Variants in ROBO2 observed in about 807,000 individuals in gnomAD.
ROBO2 encodes the protein roundabout homolog 2.
In ROBO2, 53 loss-of-function variants were observed where a neutral mutation model predicts 160.8. That is an observed-to-expected ratio of 0.33 (90% CI 0.26 to 0.41). The LOEUF is 0.41. Ranked by LOEUF, ROBO2 falls within the 10% of genes least tolerant of loss-of-function variation. The pLI is 1.00. For missense variants in ROBO2, 1,577 were observed against 1,722.4 expected, an observed-to-expected ratio of 0.92 and a Z score of 1.49; for synonymous variants, 664 against 611.7, an observed-to-expected ratio of 1.09 and a Z score of -1.26.
chr3:77,313,011 G>A (rs1217884026), intron 2 of ROBO2, among the ~76,000 whole-genome samples: 1 of 152,168 alleles, frequency 6.6e-6, no homozygotes, highest in Non-Finnish European at 1.5e-5. Flanking sequence ...TTTCTAATTG[G>A]AACCCAGCAG....
At chr3:77,266,009 C>T (rs976674097) in intron 2 of ROBO2, among the ~76,000 whole-genome samples, 2 of 152,106 alleles carry the variant, frequency 1.3e-5, no homozygotes, top group Non-Finnish European at 1.5e-5. Context: ...AGCTATTCTA[C>T]GTATTTGGTA....
rs1031618574 is a variant in ROBO2, at chr3:76,730,230, C to G, written c.110-367784C>G. 2.3e-3 allele frequency among the ~76,000 whole-genome samples: 117 copies of G among 51,296 alleles called. 5 individuals carry two copies. Among genetic ancestry groups the G allele is most frequent in the Admixed American group, 3.2e-3 (15 of 4,716 alleles). The allele number at this position is 51,296 out of a possible 152,430, so 33.7% of individuals were successfully genotyped here. ...CTCACCTCCTACTCCCTACCCACCT[C>G]TCCTCACCTCCTACTCCCTACCCGC... On this transcript the variant is annotated intron_variant, in intron 2 of 26. Coordinates refer to the ROBO2 transcript ENST00000487694.
intron 21 of ROBO2, among the ~76,000 whole-genome samples, chr3:77,610,833 C>T (rs2094621856): frequency 6.6e-6 from 1 of 150,644 alleles, no homozygotes; most frequent in Non-Finnish European, 1.5e-5. Context: ...ATTAGTCTTC[C>T]TTTGGAAACC....
At chr3:76,044,567 ATT>A (rs2067387214) in intron 2 of ROBO2, among the ~76,000 whole-genome samples, 1 of 151,878 alleles carries the variant, frequency 6.6e-6, no homozygotes, top group African/African-American at 2.4e-5. Context: ...TCATTCATTC[ATT>A]CATTCATTCA....
At chr3:76,085,324 T>C (rs1576795245) in intron 2 of ROBO2, among the ~76,000 whole-genome samples, 1 of 152,284 alleles carries the variant, frequency 6.6e-6, no homozygotes, top group East Asian at 1.9e-4. Flanking sequence ...GCTATGCAAG[T>C]TTGTGTTCTT....
intron 2 of ROBO2, among the ~76,000 whole-genome samples, chr3:76,708,148 C>A (rs1283475337): frequency 6.6e-6 from 1 of 152,150 alleles, no homozygotes; most frequent in Non-Finnish European, 1.5e-5. Context: ...CTTTAACTTT[C>A]AAAGCATATC....
At chr3:76,563,886 T>A (rs1453077123) in intron 2 of ROBO2, among the ~76,000 whole-genome samples, 1 of 152,222 alleles carries the variant, frequency 6.6e-6, no homozygotes, top group Non-Finnish European at 1.5e-5. Context: ...GAAGTCCAGG[T>A]CATAAACAAG....
chr3:76,531,785 G>C lies in ROBO2; in HGVS notation c.110-566229G>C, dbSNP rs527591270. ...AATTTTCCAATATGCCTAAAGTTTA[G>C]TTTTAAGAATAAACATTAAACCTAC... On this transcript the variant is annotated intron_variant, in intron 2 of 26. Coordinates refer to the ROBO2 transcript ENST00000487694. Among the ~76,000 whole-genome samples the C allele has an allele frequency of 4.6e-5, 7 of 152,008 alleles. No homozygotes were observed. The East Asian group carries it at 9.7e-4, about 21-fold the overall frequency.
chr3:76,038,825 G>T (rs1010339541), intron 2 of ROBO2, among the ~76,000 whole-genome samples: 1 of 151,694 alleles, frequency 6.6e-6, no homozygotes, highest in African/African-American at 2.4e-5. Flanking sequence ...TTTAAAGAGT[G>T]TGCTAGATTG....
chr3:77,434,639 AAAG>A (rs150528306), intron 2 of ROBO2, among the ~76,000 whole-genome samples: 3,761 of 152,214 alleles, frequency 0.025, 158 homozygotes, highest in African/African-American at 0.084. Context: ...GATACACTGC[AAAG>A]AAGGTTTAGT....
chr3:76,797,412 CA>C (rs2108799382), intron 2 of ROBO2, among the ~76,000 whole-genome samples: 1 of 151,878 alleles, frequency 6.6e-6, no homozygotes, highest in South Asian at 2.1e-4. Context: ...CACAACATAC[CA>C]AAACCTATGG....
At chr3:77,348,552 A>C (rs868117125) in intron 2 of ROBO2, among the ~76,000 whole-genome samples, 1 of 152,164 alleles carries the variant, frequency 6.6e-6, no homozygotes, top group Admixed American at 6.5e-5. Flanking sequence ...CTGTATGGGA[A>C]TACAGCCCGG....
chr3:77,061,535 CA>C (rs1184541688), intron 1 of ROBO2, among the ~76,000 whole-genome samples: 1 of 152,150 alleles, frequency 6.6e-6, no homozygotes, highest in Non-Finnish European at 1.5e-5. Flanking sequence ...TTTTTGAAAT[CA>C]GTAACGGATT....
At chr3:76,304,804 C>CTCTTTCT (rs2071255872) in intron 2 of ROBO2, among the ~76,000 whole-genome samples, 8 of 93,598 alleles carry the variant, frequency 8.5e-5, no homozygotes, top group Admixed American at 4.6e-4. Context: ...CTTTCTCTTT[C>CTCTTTCT]TTTTTTTTTG....
intron 2 of ROBO2, among the ~76,000 whole-genome samples, chr3:77,307,698 C>A (rs142203105): frequency 6.6e-6 from 1 of 152,286 alleles, no homozygotes; most frequent in Non-Finnish European, 1.5e-5. Flanking sequence ...GCCTGGCCAA[C>A]ATAGCAAAAC....
At chr3:75,980,768 C>A (rs948058989) in intron 2 of ROBO2, among the ~76,000 whole-genome samples, 2 of 151,482 alleles carry the variant, frequency 1.3e-5, no homozygotes, top group African/African-American at 4.8e-5. Context: ...TTTGTGTTGG[C>A]TTTCCTTGAT....
intron 2 of ROBO2, among the ~76,000 whole-genome samples, chr3:76,500,537 C>G (rs1003796262): frequency 6.6e-6 from 1 of 152,178 alleles, no homozygotes; most frequent in Non-Finnish European, 1.5e-5. Flanking sequence ...AAAACAAAGT[C>G]AACACAGAAG....
chr3:76,944,218 G>A (rs1009558537), intron 2 of ROBO2, among the ~76,000 whole-genome samples: 6 of 151,782 alleles, frequency 4.0e-5, no homozygotes, highest in African/African-American at 1.5e-4. Context: ...AAAATATTTT[G>A]TATACATACT....
At chr3:77,345,541 C>A (rs559362585) in intron 2 of ROBO2, among the ~76,000 whole-genome samples, 15 of 152,106 alleles carry the variant, frequency 9.9e-5, no homozygotes, top group South Asian at 6.2e-4. Context: ...AATTGATGCC[C>A]CCTCCCCAAA....
Sources: allele counts gnomAD v4.1 joint callset (sites outside exome capture counted in the v4.1 genomes callset), GRCh38; gene constraint gnomAD v4.1.1; transcripts MANE v1.5; gene names NCBI Gene and HGNC (gene_info 2026-07-23, HGNC 2026-07-21).